Variants in HDAC9 observed in about 807,000 individuals in gnomAD.
The protein encoded by HDAC9 is MEF-2 interacting transcription repressor (MITR) protein.
HDAC9 carries 41 observed loss-of-function variants against 139.4 expected under a neutral mutation model. The observed-to-expected ratio is 0.29, with a 90% CI of 0.23 to 0.38. The LOEUF (loss-of-function observed/expected upper bound fraction) is 0.38. Ranked by LOEUF, HDAC9 falls within the 10% of genes least tolerant of loss-of-function variation. HDAC9 has a pLI of 1.00. For synonymous variants in HDAC9, 517 were observed against 476.2 expected (o/e 1.09, Z -1.12); for missense variants, 1,147 against 1,297.0 (o/e 0.88, Z 1.78).
At chr7:18,478,182 C>T (rs545497768) in intron 1 of HDAC9, among the ~76,000 whole-genome samples, 1 of 152,150 alleles carries the variant, frequency 6.6e-6, no homozygotes, top group African/African-American at 2.4e-5. Flanking sequence ...CGCCGTTTTC[C>T]TGCCTCAGCC....
At chr7:18,790,275 C>G (rs1427641800) in intron 16 of HDAC9, among the ~76,000 whole-genome samples, 1 of 152,170 alleles carries the variant, frequency 6.6e-6, no homozygotes, top group East Asian at 1.9e-4. Flanking sequence ...TACTGAAGCT[C>G]AAATCGCTAA....
At chr7:18,305,207 A>G (rs920617688) in intron 1 of HDAC9, among the ~76,000 whole-genome samples, 2 of 152,094 alleles carry the variant, frequency 1.3e-5, no homozygotes, top group Non-Finnish European at 2.9e-5. Context: ...TTACTGGCAC[A>G]CTGTGTATCT....
At position 18,988,992 on chromosome 7, in the gene HDAC9, A is replaced by G. The variant is rs905877800; in HGVS notation, c.3171-7031A>G. On this transcript the variant is annotated intron_variant, in intron 25 of 25. Coordinates refer to ENST00000686413, the MANE Select transcript of HDAC9 (RefSeq NM_178425.4). ...GAGATGGGTTTCCTGAATACGGCAC[A>G]CTGATGGGTCTTGACTCTCTATCCA... 6.3e-4 allele frequency among the ~76,000 whole-genome samples: 56 copies of G among 89,534 alleles called. 3 individuals are homozygous for G. Among genetic ancestry groups the G allele is most frequent in the African/African-American group, 2.1e-3 (52 of 24,422 alleles). The allele number at this position is 89,534 out of a possible 152,430, so 58.7% of individuals were successfully genotyped here.
At chr7:18,942,595 A>C (rs1030864424) in intron 23 of HDAC9, among the ~76,000 whole-genome samples, 4 of 152,104 alleles carry the variant, frequency 2.6e-5, no homozygotes, top group African/African-American at 7.2e-5. Flanking sequence ...AAGAAAACAA[A>C]GCTTACTATG....
intron 1 of HDAC9, among the ~76,000 whole-genome samples, chr7:18,141,411 C>G (rs1026952374): frequency 2.3e-4 from 35 of 152,114 alleles, no homozygotes; most frequent in Non-Finnish European, 3.5e-4. Flanking sequence ...AGCCTATAGG[C>G]AGGTCTCTGC....
intron 16 of HDAC9, among the ~76,000 whole-genome samples, chr7:18,773,402 CACACACACAA>C (rs1790488818): frequency 7.0e-6 from 1 of 143,774 alleles, no homozygotes. Flanking sequence ...CACACACACA[CACACACACAA>C]AAGCACCTAT....
At chr7:18,216,915 A>C (rs926053348) in intron 2 of HDAC9, among the ~76,000 whole-genome samples, 5 of 152,180 alleles carry the variant, frequency 3.3e-5, no homozygotes, top group African/African-American at 9.7e-5. Context: ...CAGTTTTACA[A>C]AGGAGGACAG....
chr7:18,884,997 G>T lies in HDAC9; in HGVS notation c.2803+10401G>T, dbSNP rs374775489. Among the ~76,000 whole-genome samples, 12 of 152,294 alleles carry T rather than the reference G, an allele frequency of 7.9e-5. No individual in the cohort carries two copies. The South Asian group carries it at 1.7e-3, about 21-fold the overall frequency. Reference sequence around the variant, plus strand: ...TCTTCAAGTTTAATCCAAACTTTAGGGGAAAAGCAGGTCAAAAGTCATGCA... The same window carrying T: ...TCTTCAAGTTTAATCCAAACTTTAGTGGAAAAGCAGGTCAAAAGTCATGCA... On this transcript the variant is annotated intron_variant, in intron 22 of 25. Coordinates refer to ENST00000686413, the MANE Select transcript of HDAC9 (RefSeq NM_178425.4).
At chr7:18,658,597 C>A (rs1235088250) in intron 11 of HDAC9, among the ~76,000 whole-genome samples, 3 of 152,040 alleles carry the variant, frequency 2.0e-5, no homozygotes, top group Admixed American at 6.6e-5. Flanking sequence ...TTTAGAAAAT[C>A]TTTCTTCTCT....
chr7:18,954,175 C>G lies in HDAC9; in HGVS notation c.2967C>G (p.His989Gln), dbSNP rs1429723566. 2.5e-6 allele frequency: 4 copies of G among 1,574,174 alleles called. No homozygotes were observed. Among genetic ancestry groups the G allele is most frequent in the Non-Finnish European group, 3.5e-6 (4 of 1,154,360 alleles). ...ELEPLAEDIL[H>Q]QSPNMNAVIS... Reference sequence around the variant, plus strand: ...AGCCACTTGCAGAAGATATTCTCCACCAAAGCCCGAATATGAATGCTGTTA... The same window carrying G: ...AGCCACTTGCAGAAGATATTCTCCAGCAAAGCCCGAATATGAATGCTGTTA... The change falls in exon 24 of 26, where the codon CAC becomes CAG. Residue 989 changes from histidine (H) to glutamine (Q), a missense_variant. Transcript: ENST00000686413.
intron 2 of HDAC9, among the ~76,000 whole-genome samples, chr7:18,175,867 A>C (rs1427307152): frequency 6.8e-6 from 1 of 147,472 alleles, no homozygotes; most frequent in Non-Finnish European, 1.5e-5. Context: ...TCATTGCATA[A>C]TTAACCTTTT....
At chr7:18,661,909 G>T (rs796667763) in intron 11 of HDAC9, among the ~76,000 whole-genome samples, 18 of 152,256 alleles carry the variant, frequency 1.2e-4, no homozygotes, top group African/African-American at 4.1e-4. Context: ...ATCTGTGTCA[G>T]TGAGGTTGTA....
chr7:18,960,120 G>A (rs1783430414), intron 24 of HDAC9, among the ~76,000 whole-genome samples: 1 of 151,874 alleles, frequency 6.6e-6, no homozygotes, highest in South Asian at 2.1e-4. Context: ...TTTGAAAATG[G>A]ACATGATTTC....
At chr7:18,812,574 A>G (rs1368276423) in intron 17 of HDAC9, among the ~76,000 whole-genome samples, 2 of 151,618 alleles carry the variant, frequency 1.3e-5, no homozygotes, top group East Asian at 1.9e-4. Flanking sequence ...GAAAAGATGT[A>G]TATTTTTTCT....
At chr7:18,300,650 A>G (rs1255073045) in intron 1 of HDAC9, among the ~76,000 whole-genome samples, 1 of 152,210 alleles carries the variant, frequency 6.6e-6, no homozygotes, top group Non-Finnish European at 1.5e-5. Flanking sequence ...CCAGTTAAAT[A>G]TAAGTAAAGA....
chr7:18,541,312 T>G (rs868377042), intron 2 of HDAC9, among the ~76,000 whole-genome samples: 2 of 152,058 alleles, frequency 1.3e-5, no homozygotes, highest in African/African-American at 2.4e-5. Flanking sequence ...GAACGTGACC[T>G]TGGCAGCCCG....
At chr7:18,172,926 T>A (rs918145827) in intron 2 of HDAC9, among the ~76,000 whole-genome samples, 1 of 152,242 alleles carries the variant, frequency 6.6e-6, no homozygotes, top group Non-Finnish European at 1.5e-5. Context: ...ATGTATATTC[T>A]GTTGATTTGG....
At chr7:18,422,254 C>G (rs1293789291) in intron 1 of HDAC9, among the ~76,000 whole-genome samples, 1 of 152,080 alleles carries the variant, frequency 6.6e-6, no homozygotes, top group East Asian at 1.9e-4. Flanking sequence ...TCAGTTTCCC[C>G]TTATTTTGTT....
intron 6 of HDAC9, among the ~76,000 whole-genome samples, chr7:18,620,098 A>C (rs1176453824): frequency 6.6e-6 from 1 of 152,124 alleles, no homozygotes; most frequent in African/African-American, 2.4e-5. Context: ...CCATTCCTTG[A>C]TTCCTTGTTT....
Sources: allele counts gnomAD v4.1 joint callset (sites outside exome capture counted in the v4.1 genomes callset), GRCh38; gene constraint gnomAD v4.1.1; transcripts MANE v1.5; gene names NCBI Gene and HGNC (gene_info 2026-07-23, HGNC 2026-07-21).